Variants in BPIFB2 observed in about 807,000 individuals in gnomAD.
BPIFB2 encodes BPI fold containing family B member 2.
In BPIFB2, 39 loss-of-function variants were observed where a neutral mutation model predicts 50.1. That is an observed-to-expected ratio of 0.78 (90% CI 0.60 to 1.02). BPIFB2 has a LOEUF of 1.02. Ranked by LOEUF, BPIFB2 falls within the 50% of genes least tolerant of loss-of-function variation. The pLI, the probability that BPIFB2 is intolerant of heterozygous loss-of-function variation, is 0.00. For synonymous variants in BPIFB2, 280 were observed against 256.3 expected, an observed-to-expected ratio of 1.09 and a Z score of -0.88; for missense variants, 574 against 585.8, an observed-to-expected ratio of 0.98 and a Z score of 0.21.
intron 13 of BPIFB2, 55 bp downstream of exon 13, chr20:33,020,642 G>A: frequency 6.6e-7 from 1 of 1,516,502 alleles, no homozygotes; most frequent in Non-Finnish European, 8.9e-7. Flanking sequence ...GGCACACCTT[G>A]AGCCTGGGGA....
In BPIFB2 at chr20:33,015,469, G is replaced by A; in HGVS notation, c.489G>A (p.Lys163=). The change falls in exon 6 of 16, where the codon AAG becomes AAA. Residue 163 remains lysine (K), a synonymous_variant. Transcript: ENST00000170150. The part of the protein sequence containing the change: ...TSHALLVLVQ[K]HIKAVLSNKL... ...ACGCGCTGCTGGTCCTGGTGCAGAA[G>A]CACATTAAAGCTGTCTTGAGTAACA... 6.2e-7 allele frequency: 1 copy of A among 1,613,728 alleles called. No individual in the cohort carries two copies. The highest frequency in any genetic ancestry group is 8.5e-7 in the Non-Finnish European group (1 of 1,179,836).
chr20:33,021,554 C>CCAAG (rs1978672900), intron 14 of BPIFB2, among the ~76,000 whole-genome samples, 169 bp from the exon 15 acceptor site: 1 of 152,230 alleles, frequency 6.6e-6, no homozygotes, highest in Non-Finnish European at 1.5e-5. Flanking sequence ...GTGATCTTCA[C>CCAAG]CAAGTTCCTT....
chr20:33,022,831 A>G (rs965815351), intron 15 of BPIFB2, among the ~76,000 whole-genome samples: 3 of 152,212 alleles, frequency 2.0e-5, no homozygotes, highest in African/African-American at 7.2e-5. Flanking sequence ...GCCCTAGGCT[A>G]CGAGCTACAC....
Position 33,015,506 on chromosome 20 carries a change from T to G in BPIFB2, c.516+10T>G. Reference sequence around the variant, plus strand: ...TGTCTTGAGTAACAAGGTAAAGGGCTTGCAGATTTCTCAGAAAGGAGGGCA... The same window carrying G: ...TGTCTTGAGTAACAAGGTAAAGGGCGTGCAGATTTCTCAGAAAGGAGGGCA... On this transcript the variant is annotated intron_variant, in intron 6 of 15. Coordinates refer to ENST00000170150, the MANE Select transcript of BPIFB2 (RefSeq NM_025227.3). The G allele has an allele frequency of 6.2e-7, 1 of 1,606,000 alleles. No homozygotes were observed. The highest frequency in any genetic ancestry group is 1.1e-5 in the South Asian group (1 of 90,638).
intron 15 of BPIFB2, 107 bp downstream of exon 15, chr20:33,021,906 A>G: frequency 2.7e-6 from 3 of 1,107,502 alleles, no homozygotes; most frequent in Non-Finnish European, 4.1e-6. Context: ...AAACCATGCC[A>G]TGAATCCTTA....
At position 33,023,390 on chromosome 20, in the gene BPIFB2, A is replaced by G; in HGVS notation, c.*7A>G. ...ACTCTTCTACCAGAGCTGAGGCAAG[A>G]CCACTGGGAGGCCTGAGAGTGGGCC... On this transcript the variant is annotated 3_prime_UTR_variant, in exon 16 of 16. Coordinates refer to ENST00000170150, the MANE Select transcript of BPIFB2 (RefSeq NM_025227.3). The G allele has an allele frequency of 6.2e-7, 1 of 1,613,726 alleles. No individual in the cohort carries two copies. Among genetic ancestry groups the G allele is most frequent in the East Asian group, 2.2e-5 (1 of 44,882 alleles).
At chr20:33,019,462 C>A in intron 10 of BPIFB2, 118 bp from the exon 11 acceptor site, 2 of 1,209,090 alleles carry the variant, frequency 1.7e-6, no homozygotes, top group Non-Finnish European at 2.2e-6. Context: ...GGGGGACCCA[C>A]CTCTGTGCCC....
intron 5 of BPIFB2, 107 bp from the exon 6 acceptor site, chr20:33,015,329 C>T: frequency 2.0e-6 from 2 of 1,001,062 alleles, no homozygotes; most frequent in African/African-American, 1.6e-5. Context: ...ATTGATTGGC[C>T]TCCTGGCTGA....
intron 4 of BPIFB2, 47 bp downstream of exon 4, chr20:33,012,954 T>A: frequency 6.6e-7 from 1 of 1,509,716 alleles, no homozygotes; most frequent in Middle Eastern, 2.0e-4. Flanking sequence ...TTGGGGATGC[T>A]CCGAGGGATA....
rs150904392 is a variant in BPIFB2 at position 33,020,617 on chromosome 20, C to T, written c.1194+30C>T. On this transcript the variant is annotated intron_variant, in intron 13 of 15. Coordinates refer to ENST00000170150, the MANE Select transcript of BPIFB2 (RefSeq NM_025227.3). ...GTGTGGGGCTGGGGCCTCTAGAAACCCCCGTCCTGGGTAGGGCACACCTTG... is the reference window on the plus strand; with the variant it reads ...GTGTGGGGCTGGGGCCTCTAGAAACTCCCGTCCTGGGTAGGGCACACCTTG... 9.8e-4 allele frequency: 1,550 copies of T among 1,581,278 alleles called. 16 individuals are homozygous for T. In the African/African-American group the frequency reaches 0.018, roughly 18 times the overall value.
chr20:33,015,253 A>G (rs969740783), intron 5 of BPIFB2, among the ~76,000 whole-genome samples, 183 bp from the exon 6 acceptor site: 5 of 152,134 alleles, frequency 3.3e-5, no homozygotes, highest in East Asian at 1.9e-4. Context: ...TTGAGACTCA[A>G]TTTCCTCATC....
In BPIFB2 at chr20:33,012,862, GA is replaced by G. The variant is rs762463179; in HGVS notation, c.264del (p.Val89CysfsTer22). The G allele has an allele frequency of 1.2e-6, 2 of 1,614,068 alleles. No individual in the cohort carries two copies. The highest frequency in any genetic ancestry group is 1.7e-6 in the Non-Finnish European group (2 of 1,179,986). ...CACCTGAAATTCATTGCTGGTTTCG[GA>G]GTGCGCCTGCTGGCAGCAGCTAATT... is the stretch of plus-strand genomic sequence containing the variant. ...RLHLKFIAGF[G>X]VRLLAAANFT... On this transcript the variant is annotated frameshift_variant, in exon 4 of 16. Transcript: ENST00000170150. LOFTEE classifies it high-confidence loss of function.
rs1347495658 is a variant in BPIFB2, at chr20:33,009,230, C to T, written c.109+547C>T. On this transcript the variant is annotated intron_variant, in intron 2 of 15. Coordinates refer to ENST00000170150, the MANE Select transcript of BPIFB2 (RefSeq NM_025227.3). The surrounding 1 kb of genome is among the most constrained non-coding windows in gnomAD (Gnocchi z 4.2). ...CTGAGCTCAGCGTGAGAGAACCATC[C>T]GCTCTCTGGGTCCCACTTGTGCGAG... Among the ~76,000 whole-genome samples, 5 of 152,132 alleles carry T rather than the reference C, an allele frequency of 3.3e-5. No homozygotes were observed. The highest frequency in any genetic ancestry group is 1.9e-4 in the East Asian group (1 of 5,188).
intron 9 of BPIFB2, 30 bp downstream of exon 9, chr20:33,018,852 G>A (rs370560791): frequency 1.3e-6 from 2 of 1,596,270 alleles, no homozygotes; most frequent in African/African-American, 1.3e-5. Flanking sequence ...CCCAGGGCCT[G>A]TGGGGCAAGA....
At position 33,017,535 on chromosome 20, in the gene BPIFB2, C is replaced by A. The variant is rs964202095; in HGVS notation, c.577+433C>A. ...GGCCTCGCCCTTTGAAACTTCCCTG[C>A]AAGAGTATTCTGAGGCTCAGAGGAG... is the stretch of plus-strand genomic sequence containing the variant. On this transcript the variant is annotated intron_variant, in intron 7 of 15. Coordinates refer to ENST00000170150, the MANE Select transcript of BPIFB2 (RefSeq NM_025227.3). 4.6e-5 allele frequency among the ~76,000 whole-genome samples: 7 copies of A among 152,198 alleles called. No individual in the cohort carries two copies. The East Asian group carries it at 1.4e-3, about 29-fold the overall frequency.
intron 10 of BPIFB2, 24 bp from the exon 11 acceptor site, chr20:33,019,556 C>T (rs1159844346): frequency 6.4e-6 from 10 of 1,559,640 alleles, no homozygotes; most frequent in Non-Finnish European, 8.7e-6. Flanking sequence ...CTCAGCAGGG[C>T]CTCCTCCGCC....
intron 7 of BPIFB2, 69 bp downstream of exon 7, chr20:33,017,171 A>G: frequency 1.4e-6 from 2 of 1,455,732 alleles, no homozygotes; most frequent in South Asian, 2.3e-5. Context: ...GAACCCTCCA[A>G]AGGCTCCACT....
intron 4 of BPIFB2, among the ~76,000 whole-genome samples, chr20:33,013,473 C>T (rs954046108): frequency 6.6e-6 from 1 of 152,196 alleles, no homozygotes; most frequent in African/African-American, 2.4e-5. Context: ...AAACTCAGCA[C>T]AGCCCTGCGA....
chr20:33,018,203 G>T, intron 7 of BPIFB2, 56 bp from the exon 8 acceptor site: 1 of 1,301,004 alleles, frequency 7.7e-7, no homozygotes, highest in Non-Finnish European at 1.1e-6. Context: ...TAGATGAAAC[G>T]TTGGTGAGCA....
Sources: allele counts gnomAD v4.1 joint callset (sites outside exome capture counted in the v4.1 genomes callset), GRCh38; gene constraint gnomAD v4.1.1; non-coding constraint Gnocchi (gnomAD v3.1); transcripts MANE v1.5; gene names NCBI Gene and HGNC (gene_info 2026-07-23, HGNC 2026-07-21).